Variants in RYR3 observed in about 807,000 individuals in gnomAD.
RYR3 encodes the protein brain ryanodine receptor-calcium release channel.
RYR3 carries 207 observed loss-of-function variants against 584.3 expected under a neutral mutation model. That is an observed-to-expected ratio of 0.35 (90% CI 0.32 to 0.40). RYR3 has a LOEUF of 0.40. RYR3 is among the 10% of genes least tolerant of loss of function. The pLI is 1.00. For synonymous variants in RYR3, 2,416 were observed against 2,248.5 expected (o/e 1.07, Z -2.11); for missense variants, 5,616 against 6,089.2 (o/e 0.92, Z 2.59).
chr15:33,611,915 A>C (rs1314865861), intron 18 of RYR3, among the ~76,000 whole-genome samples: 2 of 152,092 alleles, frequency 1.3e-5, no homozygotes, highest in Admixed American at 6.5e-5. Flanking sequence ...TGCCTTGGCC[A>C]CCCAAAGTGC....
chr15:33,745,541 A>G (rs551493994), intron 52 of RYR3, among the ~76,000 whole-genome samples: 1 of 152,328 alleles, frequency 6.6e-6, no homozygotes, highest in South Asian at 2.1e-4. Context: ...CCTCGGACAG[A>G]GTCTGGTGTG....
intron 1 of RYR3, among the ~76,000 whole-genome samples, chr15:33,436,083 T>G (rs963710261): frequency 6.6e-6 from 1 of 152,192 alleles, no homozygotes; most frequent in Non-Finnish European, 1.5e-5. Context: ...GTTCTCTAAG[T>G]CCCCATCAAC....
chr15:33,758,389 C>G (rs969877653), intron 60 of RYR3, among the ~76,000 whole-genome samples: 2 of 152,186 alleles, frequency 1.3e-5, no homozygotes, highest in African/African-American at 4.8e-5. Context: ...TGAAGATCCA[C>G]TGGCTTGAAA....
chr15:33,721,361 C>A (rs1305412607), intron 43 of RYR3, among the ~76,000 whole-genome samples: 1 of 152,200 alleles, frequency 6.6e-6, no homozygotes, highest in African/African-American at 2.4e-5. Flanking sequence ...CAAGGCAGGA[C>A]CACCTAGCTT....
intron 45 of RYR3, among the ~76,000 whole-genome samples, chr15:33,725,966 T>TTCCC (rs1266306060): frequency 1.9e-4 from 3 of 15,746 alleles, no homozygotes; most frequent in Non-Finnish European, 4.0e-4. Flanking sequence ...CAAGACTCCA[T>TTCCC]CCCCCCCCCC....
At position 33,652,869 on chromosome 15, in the gene RYR3, G is replaced by A. The variant is rs775606983; in HGVS notation, c.4294G>A (p.Gly1432Ser). 44 of 1,610,920 alleles carry A rather than the reference G, an allele frequency of 2.7e-5. No individual in the cohort carries two copies. The highest frequency in any genetic ancestry group is 3.7e-5 in the Non-Finnish European group (44 of 1,178,488). The change falls in exon 32 of 104, where the codon GGC (glycine) becomes AGC (serine). Residue 1432 changes from glycine to serine, a missense_variant. Around this residue, in one of 9 missense-constraint regions of RYR3, gnomAD observed 753 missense variants for 741.0 expected, o/e 1.02. Coordinates refer to ENST00000634891, the MANE Select transcript of RYR3 (RefSeq NM_001036.6). ...CTTCTCAGCCAATGGAAAGGAACTG[G>A]GCACCTGCTACCAGGTAAGGGCGGC... ...LSFSANGKEL[G>S]TCYQVEPNTK...
intron 42 of RYR3, among the ~76,000 whole-genome samples, chr15:33,701,957 T>G (rs1324337885): frequency 6.6e-6 from 1 of 152,136 alleles, no homozygotes; most frequent in Non-Finnish European, 1.5e-5. Flanking sequence ...AGTGAGGAAT[T>G]GAACTTATGC....
At position 33,646,533 on chromosome 15, in the gene RYR3, G is replaced by A. The variant is rs772570405; in HGVS notation, c.3941+7G>A. The A allele has an allele frequency of 6.2e-7, 1 of 1,604,106 alleles. No individual in the cohort carries two copies. Among genetic ancestry groups the A allele is most frequent in the East Asian group, 2.2e-5 (1 of 44,670 alleles). On this transcript the variant is annotated splice_region_variant and intron_variant, in intron 29 of 103. Coordinates refer to ENST00000634891, the MANE Select transcript of RYR3 (RefSeq NM_001036.6). ...GTGAAGCTTTCCAGAAAAGGTGAGG[G>A]TGAGGCCTCCAGTTCTCAGAGGCAC...
Position 33,548,128 on chromosome 15 carries a change from A to G in RYR3, c.741-2A>G. ...GGAGCTGATCTCCAACTCTGCTCACAGGAGGATATTCTACGAAGCTGGGGG... is the reference window on the plus strand; with the variant it reads ...GGAGCTGATCTCCAACTCTGCTCACGGGAGGATATTCTACGAAGCTGGGGG... On this transcript the variant is annotated splice_acceptor_variant, in intron 8 of 103. Transcript: ENST00000634891. LOFTEE classifies it high-confidence loss of function. The G allele has an allele frequency of 6.2e-7, 1 of 1,611,142 alleles. No individual in the cohort carries two copies. The highest frequency in any genetic ancestry group is 8.5e-7 in the Non-Finnish European group (1 of 1,178,320).
Position 33,724,231 on chromosome 15 carries a change from A to G in RYR3, c.6912+55A>G, listed in dbSNP as rs1258130811. On this transcript the variant is annotated intron_variant, in intron 45 of 103. Coordinates refer to ENST00000634891, the MANE Select transcript of RYR3 (RefSeq NM_001036.6). ...TTGAGAAACCTATGCCAAGAACACTATAGATTTCCTGAACCTCATTTCTTC... is the reference window on the plus strand; with the variant it reads ...TTGAGAAACCTATGCCAAGAACACTGTAGATTTCCTGAACCTCATTTCTTC... The G allele has an allele frequency of 2.8e-5, 27 of 954,446 alleles. No homozygotes were observed. In the East Asian group the frequency reaches 5.6e-4, roughly 20 times the overall value. The allele number at this position is 954,446 out of a possible 1,614,324, so 59.1% of individuals were successfully genotyped here.
At chr15:33,766,288 GAAA>G (rs66478931) in intron 60 of RYR3, among the ~76,000 whole-genome samples, 1 of 134,062 alleles carries the variant, frequency 7.5e-6, no homozygotes, top group Non-Finnish European at 1.6e-5. Context: ...ACCTCAAAAA[GAAA>G]AAAAAAAAAA....
chr15:33,724,019 G>A, intron 44 of RYR3, 46 bp from the exon 45 acceptor site: 1 of 1,080,278 alleles, frequency 9.3e-7, no homozygotes, highest in Non-Finnish European at 1.4e-6. Context: ...CAGCATGGCA[G>A]TGCCTGCCAA....
At chr15:33,642,314 T>A (rs2061875474) in intron 27 of RYR3, among the ~76,000 whole-genome samples, 1 of 152,210 alleles carries the variant, frequency 6.6e-6, no homozygotes, top group South Asian at 2.1e-4. Flanking sequence ...GAGGTTTTCT[T>A]AAGCTGTCCT....
intron 23 of RYR3, among the ~76,000 whole-genome samples, chr15:33,631,602 G>A (rs568274004): frequency 6.6e-6 from 1 of 152,276 alleles, no homozygotes; most frequent in African/African-American, 2.4e-5. Flanking sequence ...AAGCTGAAAA[G>A]TGGTTCCCAG....
At position 33,633,110 on chromosome 15, in the gene RYR3, T is replaced by C; in HGVS notation, c.3027+2T>C. 1 of 1,611,148 alleles carries C rather than the reference T, an allele frequency of 6.2e-7. No homozygotes were observed. ...GGATGGACCTATGGCATCCAACAGG[T>C]AAGAAATTCTGGGTCAGGCATGCTG... On this transcript the variant is annotated splice_donor_variant, in intron 24 of 103. Transcript: ENST00000634891. LOFTEE classifies it high-confidence loss of function.
At chr15:33,457,959 A>G (rs2047700289) in intron 1 of RYR3, among the ~76,000 whole-genome samples, 1 of 152,236 alleles carries the variant, frequency 6.6e-6, no homozygotes. Flanking sequence ...AAGGAAAATA[A>G]GGATCAGCAC....
At chr15:33,748,948 C>G (rs1287795838) in intron 55 of RYR3, among the ~76,000 whole-genome samples, 1 of 152,154 alleles carries the variant, frequency 6.6e-6, no homozygotes, top group Admixed American at 6.5e-5. Context: ...ATTTATAATT[C>G]CTAACACAAT....
At chr15:33,787,620 G>C (rs1384576835) in intron 66 of RYR3, among the ~76,000 whole-genome samples, 1 of 152,022 alleles carries the variant, frequency 6.6e-6, no homozygotes, top group Non-Finnish European at 1.5e-5. Flanking sequence ...GATCACCCCA[G>C]CCTCTTTTTG....
chr15:33,337,449 TA>T (rs1971255389), intron 1 of RYR3, among the ~76,000 whole-genome samples: 1 of 152,118 alleles, frequency 6.6e-6, no homozygotes, highest in Non-Finnish European at 1.5e-5. Context: ...AAAAACCTTC[TA>T]AAACAGTGGA....
Sources: gnomAD v4.1 joint callset for allele counts (sites outside exome capture counted in the v4.1 genomes callset) on GRCh38, gnomAD v4.1.1 for gene constraint, gnomAD v4.1.1 regional missense constraint, MANE v1.5 for transcripts, NCBI Gene and HGNC (gene_info 2026-07-23, HGNC 2026-07-21) for gene names.